PBX1: variants seen among roughly 807,000 people sequenced by gnomAD.
The protein encoded by PBX1 is pre-B-cell leukemia transcription factor 1.
In PBX1, 6 loss-of-function variants were observed where a neutral mutation model predicts 53.4. That is an observed-to-expected ratio of 0.11 (90% CI 0.06 to 0.22). The LOEUF is 0.22. Among genes scored for constraint, PBX1 ranks in the 10% least tolerant of loss-of-function variants. The pLI, the probability that PBX1 is intolerant of heterozygous loss-of-function variation, is 1.00. For synonymous variants in PBX1, 204 were observed against 212.3 expected, an observed-to-expected ratio of 0.96 and a Z score of 0.34; for missense variants, 251 against 551.4, an observed-to-expected ratio of 0.46 and a Z score of 5.46.
intron 1 of PBX1, among the ~76,000 whole-genome samples, chr1:164,560,836 T>C (rs2101681429): frequency 6.6e-6 from 1 of 152,270 alleles, no homozygotes; most frequent in South Asian, 2.1e-4. Context: ...AAGCATGCTC[T>C]TTTCCCCCAT....
At chr1:164,844,089 T>A (rs1246878963) in intron 8 of PBX1, among the ~76,000 whole-genome samples, 4 of 150,186 alleles carry the variant, frequency 2.7e-5, no homozygotes, top group Non-Finnish European at 5.9e-5. Context: ...CTAAGATACA[T>A]GCCTTTTTTC....
At chr1:164,633,525 AT>A (rs1434566687) in intron 2 of PBX1, among the ~76,000 whole-genome samples, 1 of 152,060 alleles carries the variant, frequency 6.6e-6, no homozygotes, top group Non-Finnish European at 1.5e-5. Context: ...CCATTTTGTT[AT>A]TATTTGGGGT....
chr1:164,780,215 C>T (rs1312073089), intron 2 of PBX1, among the ~76,000 whole-genome samples: 1 of 152,134 alleles, frequency 6.6e-6, no homozygotes, highest in Non-Finnish European at 1.5e-5. Flanking sequence ...CATGTAAAAG[C>T]AAGTGGAGGC....
At chr1:164,807,762 G>A in intron 5 of PBX1, 85 bp downstream of exon 5, 1 of 1,456,822 alleles carries the variant, frequency 6.9e-7, no homozygotes. Context: ...TGCTTTACTG[G>A]ACATTCATGC....
chr1:164,623,567 G>A (rs1657834601), intron 2 of PBX1, among the ~76,000 whole-genome samples: 1 of 152,168 alleles, frequency 6.6e-6, no homozygotes, highest in Admixed American at 6.5e-5. Context: ...CCAAAGTCGT[G>A]CTTACTGATG....
At chr1:164,616,556 T>C (rs1324756793) in intron 2 of PBX1, among the ~76,000 whole-genome samples, 1 of 152,220 alleles carries the variant, frequency 6.6e-6, no homozygotes, top group Admixed American at 6.5e-5. Context: ...AAGTTATTAA[T>C]GTAGAAATTT....
intron 2 of PBX1, among the ~76,000 whole-genome samples, chr1:164,681,219 T>C (rs557149162): frequency 6.6e-6 from 1 of 152,282 alleles, no homozygotes; most frequent in Admixed American, 6.5e-5. Flanking sequence ...AATACATTAA[T>C]AAATCATTTT....
rs907222274 is a variant in PBX1 at position 164,754,560 on chromosome 1, C to G, written c.266-37934C>G. The stretch of plus-strand genomic sequence containing the variant: ...CTGTCTGTGGGTTTCAATGCTGTTG[C>G]ATTGCAGGGACTGAAAAAGTGACTG... On this transcript the variant is annotated intron_variant, in intron 2 of 8. Coordinates refer to ENST00000420696, the MANE Select transcript of PBX1 (RefSeq NM_002585.4). 3.3e-5 allele frequency among the ~76,000 whole-genome samples: 5 copies of G among 152,326 alleles called. No homozygotes were observed. In the South Asian group the frequency reaches 8.3e-4, roughly 25 times the overall value.
At chr1:164,783,654 C>T (rs1668033476) in intron 2 of PBX1, among the ~76,000 whole-genome samples, 1 of 152,134 alleles carries the variant, frequency 6.6e-6, no homozygotes, top group Non-Finnish European at 1.5e-5. Context: ...AGAATTAAGG[C>T]ATAGGTGAAG....
rs1434059737 is a variant in PBX1, at chr1:164,847,018, A to T, written c.*342A>T. 1.7e-6 allele frequency: 2 copies of T among 1,143,310 alleles called. No individual in the cohort carries two copies. Among genetic ancestry groups the T allele is most frequent in the Non-Finnish European group, 2.2e-6 (2 of 927,424 alleles). The allele number at this position is 1,143,310 out of a possible 1,614,324, so 70.8% of individuals were successfully genotyped here. The stretch of plus-strand genomic sequence containing the variant: ...GAAGGATATTTTCAACAATTAGAGG[A>T]ATTTAAAGAGGAAAAAAATTACAAA... On this transcript the variant is annotated 3_prime_UTR_variant, in exon 9 of 9. Coordinates refer to ENST00000420696, the MANE Select transcript of PBX1 (RefSeq NM_002585.4).
intron 8 of PBX1, among the ~76,000 whole-genome samples, chr1:164,832,025 A>G (rs574575173): frequency 1.3e-5 from 2 of 152,354 alleles, no homozygotes; most frequent in Admixed American, 1.3e-4. Context: ...TTTGAGATAT[A>G]TAAAAATAGA....
At chr1:164,640,695 T>C (rs1323697135) in intron 2 of PBX1, among the ~76,000 whole-genome samples, 37 of 151,972 alleles carry the variant, frequency 2.4e-4, no homozygotes, top group Admixed American at 2.4e-3. Flanking sequence ...TAGCTGGGAT[T>C]ACAGATGCCC....
At chr1:164,873,875 C>T (rs185988307) in intron 2 of PBX1, among the ~76,000 whole-genome samples, 160 of 152,080 alleles carry the variant, frequency 1.1e-3, no homozygotes, top group African/African-American at 3.6e-3. Flanking sequence ...ATAAGCCTTA[C>T]AATAACAGCT....
Position 164,653,348 on chromosome 1 carries a change from GT to G in PBX1, c.265+90049del, listed in dbSNP as rs112169043. On this transcript the variant is annotated intron_variant, in intron 2 of 8. Transcript: ENST00000420696. ...ACAATTTTTTTATCCAGTCTCACTT[GT>G]TTTTTTTTTTTAAATCTTTTTACAA... Among the ~76,000 whole-genome samples the G allele has an allele frequency of 2.4e-3, 342 of 143,940 alleles. 3 individuals carry two copies. The highest frequency in any genetic ancestry group is 6.6e-3 in the African/African-American group (260 of 39,568). The allele number at this position is 143,940 out of a possible 152,430, so 94.4% of individuals were successfully genotyped here.
chr1:164,805,713 A>G (rs1262500474), intron 4 of PBX1, among the ~76,000 whole-genome samples: 1 of 152,212 alleles, frequency 6.6e-6, no homozygotes, highest in East Asian at 1.9e-4. Flanking sequence ...AGACCCTGTT[A>G]GTCACTTGGC....
At chr1:164,792,430 G>A in intron 2 of PBX1, 64 bp from the exon 3 acceptor site, 1 of 1,587,948 alleles carries the variant, frequency 6.3e-7, no homozygotes, top group Non-Finnish European at 8.6e-7. Context: ...ACACAAATGT[G>A]TTGTGTTTTT....
intron 2 of PBX1, among the ~76,000 whole-genome samples, chr1:164,760,535 CTTTG>C (rs577018668): frequency 7.4e-4 from 112 of 150,766 alleles, no homozygotes; most frequent in African/African-American, 2.6e-3. Context: ...AAGAATAACA[CTTTG>C]TTTGGTTAAC....
intron 3 of PBX1, among the ~76,000 whole-genome samples, chr1:164,794,058 A>G (rs1668666289): frequency 6.6e-6 from 1 of 151,898 alleles, no homozygotes; most frequent in African/African-American, 2.4e-5. Context: ...TAGTTTTAGT[A>G]GAGACAGGGT....
chr1:164,661,963 T>A (rs1288992394), intron 2 of PBX1, among the ~76,000 whole-genome samples: 1 of 152,186 alleles, frequency 6.6e-6, no homozygotes, highest in Admixed American at 6.5e-5. Context: ...AAATGTTTTC[T>A]TCTTGAGTAC....
Sources: allele counts gnomAD v4.1 joint callset (sites outside exome capture counted in the v4.1 genomes callset), GRCh38; gene constraint gnomAD v4.1.1; transcripts MANE v1.5; gene names NCBI Gene and HGNC (gene_info 2026-07-23, HGNC 2026-07-21).